SHISA6: variants seen among roughly 807,000 people sequenced by gnomAD.
SHISA6 encodes the protein shisa family member 6, also known as protein shisa-6.
SHISA6 carries 22 observed loss-of-function variants against 47.9 expected under a neutral mutation model. The observed-to-expected ratio is 0.46, with a 90% CI of 0.33 to 0.66. The LOEUF is 0.66. SHISA6 is among the 30% of genes least tolerant of loss of function. The pLI is 0.02. For synonymous variants in SHISA6, 388 were observed against 337.8 expected, an observed-to-expected ratio of 1.15 and a Z score of -1.63; for missense variants, 680 against 764.6, an observed-to-expected ratio of 0.89 and a Z score of 1.30.
chr17:11,311,902 A>G (rs1051786426), intron 2 of SHISA6, among the ~76,000 whole-genome samples: 2 of 152,010 alleles, frequency 1.3e-5, no homozygotes, highest in African/African-American at 4.8e-5. Flanking sequence ...CAGTGTCCCG[A>G]GTAGCTGGGA....
chr17:11,380,507 C>T (rs1884059386), intron 3 of SHISA6: 1 of 152,092 alleles, frequency 6.6e-6, no homozygotes. Flanking sequence ...CAAACTGAGA[C>T]CAGCTATCTC....
At chr17:11,263,146 A>G (rs1908298795) in intron 1 of SHISA6, among the ~76,000 whole-genome samples, 1 of 152,210 alleles carries the variant, frequency 6.6e-6, no homozygotes, top group African/African-American at 2.4e-5. Flanking sequence ...AAGAAACCGT[A>G]GTCCCAGCCT....
At chr17:11,509,709 G>C (rs2071527751) in intron 3 of SHISA6, among the ~76,000 whole-genome samples, 1 of 152,216 alleles carries the variant, frequency 6.6e-6, no homozygotes, top group Non-Finnish European at 1.5e-5. Flanking sequence ...CACAAGGCTA[G>C]ACTTTCCTCG....
At chr17:11,466,431 C>A (rs1314323979) in intron 3 of SHISA6, among the ~76,000 whole-genome samples, 1 of 152,116 alleles carries the variant, frequency 6.6e-6, no homozygotes, top group Non-Finnish European at 1.5e-5. Context: ...CCCAGTGGGC[C>A]CTTGAAATCC....
At chr17:11,458,750 G>C (rs1252226592) in intron 3 of SHISA6, among the ~76,000 whole-genome samples, 1 of 152,166 alleles carries the variant, frequency 6.6e-6, no homozygotes, top group African/African-American at 2.4e-5. Context: ...GCTCCTCCCA[G>C]ATTTAGACAG....
chr17:11,459,583 A>G (rs917137823), intron 3 of SHISA6, among the ~76,000 whole-genome samples: 37 of 152,286 alleles, frequency 2.4e-4, no homozygotes, highest in African/African-American at 8.7e-4. Flanking sequence ...TCCAGCCTTC[A>G]TGTTAGGTTT....
At chr17:11,523,938 A>G (rs1210320717) in intron 3 of SHISA6, among the ~76,000 whole-genome samples, 1 of 152,030 alleles carries the variant, frequency 6.6e-6, no homozygotes, top group Admixed American at 6.6e-5. Context: ...CCCAGGAGGC[A>G]GAGGTTGCAG....
intron 3 of SHISA6, among the ~76,000 whole-genome samples, chr17:11,545,156 A>AG (rs2071873521): frequency 1.3e-5 from 2 of 151,506 alleles, no homozygotes; most frequent in South Asian, 4.2e-4. Flanking sequence ...GATGGTTTAA[A>AG]AAAAAAAAAA....
intron 3 of SHISA6, among the ~76,000 whole-genome samples, chr17:11,547,183 G>A (rs558691113): frequency 1.3e-5 from 2 of 152,288 alleles, no homozygotes; most frequent in African/African-American, 4.8e-5. Flanking sequence ...CAGAGGAATT[G>A]AATAATGGAT....
intron 3 of SHISA6, among the ~76,000 whole-genome samples, chr17:11,485,742 G>A (rs985370969): frequency 6.7e-6 from 1 of 150,282 alleles, no homozygotes; most frequent in Non-Finnish European, 1.5e-5. Flanking sequence ...AAATGGAGAG[G>A]AGAGATGCTT....
chr17:11,548,741 C>A (rs1318688550), intron 3 of SHISA6, among the ~76,000 whole-genome samples: 4 of 152,006 alleles, frequency 2.6e-5, no homozygotes, highest in Non-Finnish European at 5.9e-5. Flanking sequence ...AATAGGGGAC[C>A]TGCTTAAATA....
intron 2 of SHISA6, among the ~76,000 whole-genome samples, chr17:11,276,388 A>G (rs1908893432): frequency 6.6e-6 from 1 of 152,142 alleles, no homozygotes; most frequent in African/African-American, 2.4e-5. Flanking sequence ...CTGGAATGTC[A>G]GTGATGGAAG....
At chr17:11,413,470 T>C (rs537807521) in intron 3 of SHISA6, among the ~76,000 whole-genome samples, 1 of 152,330 alleles carries the variant, frequency 6.6e-6, no homozygotes, top group East Asian at 1.9e-4. Context: ...CACCGGCTTC[T>C]GTTTCTCTGT....
chr17:11,257,451 C>T (rs760198778), intron 1 of SHISA6, among the ~76,000 whole-genome samples: 6 of 151,856 alleles, frequency 4.0e-5, no homozygotes, highest in East Asian at 3.9e-4. Context: ...GCCTGAGTTT[C>T]GGAGTCCGAG....
intron 3 of SHISA6, chr17:11,379,880 C>T (rs1912954293): frequency 4.2e-6 from 1 of 239,302 alleles, no homozygotes; most frequent in Non-Finnish European, 8.1e-6. Context: ...TTGAAAGCTA[C>T]ATTTTATAAA....
rs1912589162 is a variant in SHISA6 at position 11,370,148 on chromosome 17, A to T, written c.800-9266A>T. ...AAGCAGAGGGTTTAGCCCCTCTAAA[A>T]CCTCTTAAGATCACCACCATCAAGC... On this transcript the variant is annotated intron_variant, in intron 2 of 5. Coordinates refer to ENST00000441885, the MANE Select transcript of SHISA6 (RefSeq NM_207386.4). Among the ~76,000 whole-genome samples the T allele has an allele frequency of 2.6e-5, 4 of 152,222 alleles. No individual in the cohort carries two copies. In the South Asian group the frequency reaches 8.3e-4, roughly 32 times the overall value.
intron 3 of SHISA6, among the ~76,000 whole-genome samples, chr17:11,551,178 C>T (rs1172303729): frequency 6.6e-6 from 1 of 152,206 alleles, no homozygotes; most frequent in Non-Finnish European, 1.5e-5. Flanking sequence ...TGGTCAGCCA[C>T]ATTTTCATTC....
At position 11,540,452 on chromosome 17, in the gene SHISA6, T is replaced by C. The variant is rs563306482; in HGVS notation, c.896-11444T>C. 7.9e-5 allele frequency among the ~76,000 whole-genome samples: 12 copies of C among 152,332 alleles called. No individual in the cohort carries two copies. In the South Asian group the frequency reaches 2.5e-3, roughly 32 times the overall value. On this transcript the variant is annotated intron_variant, in intron 3 of 5. Coordinates refer to ENST00000441885, the MANE Select transcript of SHISA6 (RefSeq NM_207386.4). ...AGGACCCTGTGTACACAGTTCTCCC[T>C]GCCTTTGGGTTCCAGAAGCCACTCC...
chr17:11,440,165 G>A (rs188953959), intron 3 of SHISA6, among the ~76,000 whole-genome samples: 26 of 152,292 alleles, frequency 1.7e-4, no homozygotes, highest in African/African-American at 5.5e-4. Context: ...AGATGAGGAC[G>A]CTGCCCTACA....
Sources: allele counts gnomAD v4.1 joint callset (sites outside exome capture counted in the v4.1 genomes callset), GRCh38; gene constraint gnomAD v4.1.1; transcripts MANE v1.5; gene names NCBI Gene and HGNC (gene_info 2026-07-23, HGNC 2026-07-21).